Variants in NSMCE2 observed in about 807,000 individuals in gnomAD.
NSMCE2 encodes NSE2 SUMO ligase component of SMC5/6 complex, also known as E3 SUMO-protein ligase NSE2.
Under a neutral mutation model 23.8 loss-of-function variants are expected in NSMCE2, and 24 were observed. The observed-to-expected ratio is 1.01, with a 90% CI of 0.73 to 1.42. The LOEUF is 1.42. Among genes scored for constraint, NSMCE2 ranks in the 40% most tolerant of loss-of-function variants. NSMCE2 has a pLI of 0.00. For synonymous variants in NSMCE2, 92 were observed against 94.1 expected (o/e 0.98, Z 0.13); for missense variants, 284 against 296.5 (o/e 0.96, Z 0.31).
rs113431074 is a variant in NSMCE2, at chr8:125,264,838, C to G, written c.418+82582C>G. On this transcript the variant is annotated intron_variant, in intron 5 of 7. Transcript: ENST00000287437. ...ATAAAATAATAATACTGAAAAATGG[C>G]CTTATATCTTCTAGTACCTTGACAC... Among the ~76,000 whole-genome samples the G allele has an allele frequency of 2.3e-3, 352 of 152,176 alleles. 1 individual carries two copies. The highest frequency in any genetic ancestry group is 8.0e-3 in the African/African-American group (333 of 41,524).
chr8:125,296,907 G>A (rs1416148357), intron 5 of NSMCE2, among the ~76,000 whole-genome samples: 4 of 152,116 alleles, frequency 2.6e-5, no homozygotes, highest in Non-Finnish European at 2.9e-5. Flanking sequence ...AAAAACAACA[G>A]TGCTTATACT....
chr8:125,295,771 A>G (rs1383434689), intron 5 of NSMCE2, among the ~76,000 whole-genome samples: 2 of 152,210 alleles, frequency 1.3e-5, no homozygotes, highest in Non-Finnish European at 2.9e-5. Flanking sequence ...AAAGGAAGCA[A>G]CAGCTTTATA....
At chr8:125,300,860 C>G (rs1828535012) in intron 5 of NSMCE2, among the ~76,000 whole-genome samples, 1 of 152,132 alleles carries the variant, frequency 6.6e-6, no homozygotes, top group Non-Finnish European at 1.5e-5. Flanking sequence ...TGGATTAATG[C>G]TAGCAGAGTG....
chr8:125,181,326 GA>G (rs1822796416), intron 4 of NSMCE2, among the ~76,000 whole-genome samples: 1 of 152,112 alleles, frequency 6.6e-6, no homozygotes, highest in African/African-American at 2.4e-5. Flanking sequence ...AGAGCCCGTT[GA>G]GAGGAAAGTT....
intron 1 of NSMCE2, among the ~76,000 whole-genome samples, chr8:125,101,318 T>A (rs1347498888): frequency 6.6e-6 from 1 of 152,110 alleles, no homozygotes; most frequent in African/African-American, 2.4e-5. Context: ...ATGCCAGAGA[T>A]ACTACACAGT....
intron 5 of NSMCE2, among the ~76,000 whole-genome samples, chr8:125,253,850 A>G (rs1472941159): frequency 6.6e-6 from 1 of 152,216 alleles, no homozygotes; most frequent in African/African-American, 2.4e-5. Context: ...GGGGAAAATT[A>G]ATTTTACTTT....
chr8:125,142,725 C>T (rs1209094188), intron 3 of NSMCE2, among the ~76,000 whole-genome samples: 1 of 152,096 alleles, frequency 6.6e-6, no homozygotes, highest in East Asian at 1.9e-4. Context: ...CTGCCCCAGG[C>T]TCCCGAGTAG....
intron 5 of NSMCE2, among the ~76,000 whole-genome samples, chr8:125,230,923 C>G (rs1563732692): frequency 1.3e-5 from 2 of 152,126 alleles, no homozygotes; most frequent in African/African-American, 4.8e-5. Context: ...CTGAACTCTA[C>G]GTAGTAGGTA....
chr8:125,161,569 G>T (rs573965813), intron 4 of NSMCE2, among the ~76,000 whole-genome samples: 1 of 151,900 alleles, frequency 6.6e-6, no homozygotes, highest in African/African-American at 2.4e-5. Context: ...AGGCTGAGGC[G>T]GTTGGATCAT....
intron 5 of NSMCE2, among the ~76,000 whole-genome samples, chr8:125,308,960 T>C (rs576900666): frequency 6.6e-6 from 1 of 152,328 alleles, no homozygotes; most frequent in Admixed American, 6.5e-5. Context: ...AATTGTGTTA[T>C]GAGGCCGGGC....
intron 5 of NSMCE2, among the ~76,000 whole-genome samples, chr8:125,315,111 C>CT (rs11284016): frequency 4.6e-5 from 7 of 150,912 alleles, no homozygotes; most frequent in Admixed American, 6.6e-5. Flanking sequence ...TGACTAGAAT[C>CT]TTTTTTTTTT....
chr8:125,352,392 C>T (rs1465519843), intron 5 of NSMCE2, among the ~76,000 whole-genome samples: 2 of 150,804 alleles, frequency 1.3e-5, no homozygotes, highest in Non-Finnish European at 3.0e-5. Flanking sequence ...AGGAGAATCG[C>T]TTGAACCCGG....
intron 5 of NSMCE2, among the ~76,000 whole-genome samples, chr8:125,284,948 C>T (rs998931502): frequency 2.0e-5 from 3 of 152,064 alleles, no homozygotes; most frequent in East Asian, 3.8e-4. Context: ...AAAAATCTTA[C>T]GAAAATCTAC....
At chr8:125,155,400 CT>C (rs1275419534) in intron 4 of NSMCE2, among the ~76,000 whole-genome samples, 2 of 152,100 alleles carry the variant, frequency 1.3e-5, no homozygotes, top group African/African-American at 4.8e-5. Context: ...AATCCAAAGA[CT>C]TATTGTGAAA....
intron 3 of NSMCE2, among the ~76,000 whole-genome samples, chr8:125,130,909 A>G (rs1257388107): frequency 6.6e-6 from 1 of 152,212 alleles, no homozygotes; most frequent in Non-Finnish European, 1.5e-5. Flanking sequence ...GTATACATGT[A>G]AAGCATTTTC....
intron 5 of NSMCE2, among the ~76,000 whole-genome samples, chr8:125,251,322 G>GA (rs897514275): frequency 6.6e-6 from 1 of 151,610 alleles, no homozygotes; most frequent in South Asian, 2.1e-4. Flanking sequence ...AAATGAACTG[G>GA]AAAAAAAAGT....
Position 125,220,643 on chromosome 8 carries a change from A to T in NSMCE2, c.418+38387A>T, listed in dbSNP as rs113439053. ...ATCTGGTGAGTTAACATCATTATTT[A>T]AAAAAAAAAAAAAGTAAAGAACTTA... On this transcript the variant is annotated intron_variant, in intron 5 of 7. Coordinates refer to ENST00000287437, the MANE Select transcript of NSMCE2 (RefSeq NM_173685.4). Among the ~76,000 whole-genome samples, 209 of 128,870 alleles carry T rather than the reference A, an allele frequency of 1.6e-3. 1 individual carries two copies. The highest frequency in any genetic ancestry group is 6.3e-3 in the African/African-American group (172 of 27,332). The allele number at this position is 128,870 out of a possible 152,430, so 84.5% of individuals were successfully genotyped here.
At chr8:125,102,989 C>T (rs1238009609) in intron 3 of NSMCE2, among the ~76,000 whole-genome samples, 4 of 152,046 alleles carry the variant, frequency 2.6e-5, no homozygotes, top group East Asian at 3.8e-4. Flanking sequence ...ATTTGCAGGC[C>T]GGGTGCAGTG....
intron 5 of NSMCE2, among the ~76,000 whole-genome samples, chr8:125,184,019 T>TG (rs1209161359): frequency 2.7e-4 from 41 of 151,772 alleles, no homozygotes; most frequent in Non-Finnish European, 4.4e-5. Flanking sequence ...TTTTCAATCT[T>TG]GAAAAAAAAA....
Sources: allele counts gnomAD v4.1 joint callset (sites outside exome capture counted in the v4.1 genomes callset), GRCh38; gene constraint gnomAD v4.1.1; transcripts MANE v1.5; gene names NCBI Gene and HGNC (gene_info 2026-07-23, HGNC 2026-07-21).